PTGER3: variants seen among roughly 807,000 people sequenced by gnomAD.
PTGER3 encodes the protein prostaglandin E2 receptor EP3 subtype.
A neutral mutation model predicts 34.7 loss-of-function variants in PTGER3; 22 were observed. That is an observed-to-expected ratio of 0.63 (90% confidence interval 0.45 to 0.91). The LOEUF is 0.91. Among genes scored for constraint, PTGER3 ranks in the 40% least tolerant of loss-of-function variants. PTGER3 has a pLI of 0.00. For synonymous variants in PTGER3, 241 were observed against 230.1 expected, an observed-to-expected ratio of 1.05 and a Z score of -0.43; for missense variants, 468 against 519.4, an observed-to-expected ratio of 0.90 and a Z score of 0.96.
chr1:70,878,024 C>T (rs1025091366), intron 4 of PTGER3, among the ~76,000 whole-genome samples: 1 of 151,982 alleles, frequency 6.6e-6, no homozygotes, highest in African/African-American at 2.4e-5. Flanking sequence ...AGAATTGGTA[C>T]CAGTTCTTCA....
chr1:70,976,819 C>T (rs543307850), intron 2 of PTGER3, among the ~76,000 whole-genome samples: 2 of 152,200 alleles, frequency 1.3e-5, no homozygotes, highest in South Asian at 2.1e-4. Flanking sequence ...CAGGTACTAA[C>T]GAGCCTCTCT....
chr1:70,948,796 T>C (rs1203671599), downstream of PTGER3, among the ~76,000 whole-genome samples: 5 of 152,126 alleles, frequency 3.3e-5, no homozygotes, highest in African/African-American at 1.2e-4. Context: ...AATTGTGAAA[T>C]GCTGCCTTAC....
intron 4 of PTGER3, among the ~76,000 whole-genome samples, chr1:70,905,705 T>G (rs1646931993): frequency 6.6e-6 from 1 of 152,182 alleles, no homozygotes; most frequent in Admixed American, 6.5e-5. Context: ...TAACTTGCTT[T>G]TGATTTTACA....
At chr1:70,993,808 G>T (rs1655684051) in intron 2 of PTGER3, among the ~76,000 whole-genome samples, 1 of 152,170 alleles carries the variant, frequency 6.6e-6, no homozygotes, top group Admixed American at 6.5e-5. Context: ...AAGAAGAATT[G>T]ATGGAGAAAC....
intron 4 of PTGER3, among the ~76,000 whole-genome samples, chr1:70,904,678 TA>T (rs1405976064): frequency 1.3e-4 from 20 of 152,182 alleles, no homozygotes; most frequent in Non-Finnish European, 2.6e-4. Flanking sequence ...AAGAAATTTC[TA>T]AGCAGCAAAG....
chr1:70,966,524 G>C (rs745738745), downstream of PTGER3, among the ~76,000 whole-genome samples: 1 of 152,100 alleles, frequency 6.6e-6, no homozygotes, highest in Non-Finnish European at 1.5e-5. Flanking sequence ...AAAACGTGCA[G>C]GTTTGTTACA....
In PTGER3 at chr1:70,892,670, G is replaced by C. The variant is rs528495554; in HGVS notation, c.*24-39811C>G. On this transcript the variant is annotated intron_variant, in intron 4 of 4. Transcript: ENST00000370931. ...AGCCTGGCCAACATGGTGAAACCCC[G>C]TCTCTACTAAAAATACAAAAATTAG... is the stretch of plus-strand genomic sequence containing the variant. Among the ~76,000 whole-genome samples the C allele has an allele frequency of 4.6e-5, 7 of 151,638 alleles. No individual in the cohort carries two copies. The South Asian group carries it at 1.5e-3, about 32-fold the overall frequency.
intron 4 of PTGER3, among the ~76,000 whole-genome samples, chr1:70,872,976 CTT>C (rs1415086649): frequency 6.6e-6 from 1 of 152,184 alleles, no homozygotes; most frequent in South Asian, 2.1e-4. Context: ...GGGCCCTTGA[CTT>C]TGACCCTCTT....
intron 4 of PTGER3, among the ~76,000 whole-genome samples, chr1:70,895,764 A>C (rs192649609): frequency 1.3e-5 from 2 of 152,330 alleles, no homozygotes; most frequent in Admixed American, 1.3e-4. Flanking sequence ...TAACAGCATA[A>C]GCTCTTGTTT....
At chr1:70,994,799 T>G (rs1225333433) in intron 2 of PTGER3, among the ~76,000 whole-genome samples, 1 of 152,170 alleles carries the variant, frequency 6.6e-6, no homozygotes, top group African/African-American at 2.4e-5. Flanking sequence ...GGGACATCAT[T>G]GCCTTTTTTT....
intron 4 of PTGER3, among the ~76,000 whole-genome samples, chr1:70,893,680 A>T (rs1208986749): frequency 6.6e-6 from 1 of 152,196 alleles, no homozygotes; most frequent in Non-Finnish European, 1.5e-5. Flanking sequence ...CTTTTCTGCG[A>T]ATTTATAGGA....
In PTGER3 at chr1:70,945,091, C is replaced by T. The variant is rs142755389; in HGVS notation, c.*23+8672G>A. 7.3e-3 allele frequency among the ~76,000 whole-genome samples: 1,106 copies of T among 152,184 alleles called. 16 individuals carry two copies. Among genetic ancestry groups the T allele is most frequent in the African/African-American group, 0.025 (1,059 of 41,544 alleles). Reference sequence around the variant, plus strand: ...GTTAGCTAGTGGCTGAGGAACTATTCGAACCCACAGGGGCTTGATTGACTT... The same window carrying T: ...GTTAGCTAGTGGCTGAGGAACTATTTGAACCCACAGGGGCTTGATTGACTT... On this transcript the variant is annotated intron_variant, in intron 4 of 4. Transcript: ENST00000370931.
At chr1:70,942,819 A>G (rs1344733972) in intron 4 of PTGER3, among the ~76,000 whole-genome samples, 1 of 152,172 alleles carries the variant, frequency 6.6e-6, no homozygotes, top group Non-Finnish European at 1.5e-5. Context: ...ATGCAGAGAG[A>G]GACAAGGGAT....
At chr1:70,878,998 G>T (rs1259930703) in intron 4 of PTGER3, among the ~76,000 whole-genome samples, 1 of 152,132 alleles carries the variant, frequency 6.6e-6, no homozygotes, top group Non-Finnish European at 1.5e-5. Flanking sequence ...TTGGTCAAAT[G>T]TTGTGTCCAC....
chr1:70,852,764 C>A, exon 5 of PTGER3: 1 of 1,547,280 alleles, frequency 6.5e-7, no homozygotes, highest in Non-Finnish European at 8.9e-7. Context: ...GTGGGTGTTT[C>A]TGTGATTTTT....
intron 4 of PTGER3, among the ~76,000 whole-genome samples, chr1:70,909,833 T>A (rs1647026249): frequency 6.6e-6 from 1 of 152,208 alleles, no homozygotes; most frequent in Admixed American, 6.5e-5. Context: ...AGGCTTCCTA[T>A]AAAGAGTATT....
intron 4 of PTGER3, among the ~76,000 whole-genome samples, chr1:70,941,849 G>A (rs930288526): frequency 2.0e-5 from 3 of 152,076 alleles, no homozygotes; most frequent in Admixed American, 1.3e-4. Flanking sequence ...TTCTGACATT[G>A]CCTCACAAAT....
intron 1 of PTGER3, among the ~76,000 whole-genome samples, chr1:71,022,689 G>T (rs4549988): frequency 2.0e-5 from 3 of 150,678 alleles, no homozygotes; most frequent in Non-Finnish European, 3.0e-5. Context: ...TCTAGTCAGT[G>T]CTCTCTCTCT....
chr1:70,865,692 G>T (rs762978071), intron 4 of PTGER3: 1 of 1,366,508 alleles, frequency 7.3e-7, no homozygotes, highest in South Asian at 1.1e-5. Context: ...TACTTACTAA[G>T]AAGTTTGAAG....
Sources: allele counts gnomAD v4.1 joint callset (sites outside exome capture counted in the v4.1 genomes callset), GRCh38; gene constraint gnomAD v4.1.1; transcripts MANE v1.5; gene names NCBI Gene and HGNC (gene_info 2026-07-23, HGNC 2026-07-21).